The following SAMD3 variants were observed in gnomAD, a reference collection of about 807,000 sequenced individuals.
SAMD3 encodes sterile alpha motif domain-containing protein 3.
SAMD3 carries 63 observed loss-of-function variants against 58.5 expected under a neutral mutation model. The ratio of observed to expected loss-of-function variants is 1.08; its 90% confidence interval spans 0.88 to 1.33. The LOEUF is 1.33. SAMD3 is among the 40% of genes most tolerant of loss of function. SAMD3 has a pLI of 0.00. For missense variants in SAMD3, 604 were observed against 608.4 expected (o/e 0.99, Z 0.08); for synonymous variants, 220 against 210.3 (o/e 1.05, Z -0.40).
chr6:130,350,041 T>C (rs1347680561), intron 1 of SAMD3, among the ~76,000 whole-genome samples: 2 of 152,156 alleles, frequency 1.3e-5, no homozygotes, highest in Admixed American at 6.5e-5. Context: ...CTAAAAACTC[T>C]CAATAAATTA....
At chr6:130,260,026 G>A (rs1232501534) in intron 2 of SAMD3, among the ~76,000 whole-genome samples, 1 of 152,144 alleles carries the variant, frequency 6.6e-6, no homozygotes, top group Non-Finnish European at 1.5e-5. Flanking sequence ...TTTCTAATTA[G>A]TCTTTTGAAC....
chr6:130,267,841 G>T (rs549019310), intron 2 of SAMD3, among the ~76,000 whole-genome samples: 1 of 152,276 alleles, frequency 6.6e-6, no homozygotes, highest in South Asian at 2.1e-4. Context: ...CCTCTCACAT[G>T]GAGCCCCATA....
intron 2 of SAMD3, among the ~76,000 whole-genome samples, chr6:130,294,574 A>C (rs1289047909): frequency 2.0e-5 from 3 of 151,860 alleles, no homozygotes; most frequent in African/African-American, 7.3e-5. Flanking sequence ...AGCATGACAT[A>C]TTTATTAATG....
At chr6:130,204,849 A>G (rs1794951088) in intron 5 of SAMD3, among the ~76,000 whole-genome samples, 1 of 151,690 alleles carries the variant, frequency 6.6e-6, no homozygotes, top group Non-Finnish European at 1.5e-5. Context: ...AAAAATCACA[A>G]GAATAGTAAC....
intron 1 of SAMD3, among the ~76,000 whole-genome samples, chr6:130,341,087 C>T (rs887710477): frequency 1.3e-5 from 2 of 151,724 alleles, no homozygotes; most frequent in African/African-American, 4.8e-5. Flanking sequence ...ATTCCACAAA[C>T]TCTCAGTGTT....
intron 1 of SAMD3, among the ~76,000 whole-genome samples, chr6:130,219,144 T>C (rs1796118881): frequency 6.6e-6 from 1 of 152,194 alleles, no homozygotes; most frequent in Non-Finnish European, 1.5e-5. Context: ...CATAGATATT[T>C]ATATTAATCT....
At chr6:130,234,647 C>T (rs974396870) in intron 2 of SAMD3, among the ~76,000 whole-genome samples, 1 of 152,178 alleles carries the variant, frequency 6.6e-6, no homozygotes, top group African/African-American at 2.4e-5. Flanking sequence ...GATGGTTGTG[C>T]TTGAACACAT....
At chr6:130,255,326 A>G (rs545598424) in intron 2 of SAMD3, among the ~76,000 whole-genome samples, 100 of 152,300 alleles carry the variant, frequency 6.6e-4, no homozygotes, top group African/African-American at 2.4e-3. Flanking sequence ...GATCTAAAGC[A>G]TTGTTTGAGT....
At chr6:130,167,757 C>T (rs1790855319) in intron 8 of SAMD3, among the ~76,000 whole-genome samples, 1 of 152,184 alleles carries the variant, frequency 6.6e-6, no homozygotes, top group South Asian at 2.1e-4. Context: ...GCTGCATTGA[C>T]TGCACGACCA....
chr6:130,224,845 C>T (rs1290444832), upstream of SAMD3, among the ~76,000 whole-genome samples: 8 of 151,864 alleles, frequency 5.3e-5, no homozygotes, highest in Non-Finnish European at 7.4e-5. Context: ...ATCTCGATCT[C>T]CTGACCTCAT....
Position 130,221,979 on chromosome 6 carries a change from G to A in SAMD3, c.-68+715C>T, listed in dbSNP as rs79551677. On this transcript the variant is annotated intron_variant, in intron 1 of 11. Coordinates refer to ENST00000439090, the MANE Select transcript of SAMD3 (RefSeq NM_001017373.4). ...ATTCCATTGGAAAAGGTGAAAATTA[G>A]CAAGAATGCAAGGTCAGTTGTTCTC... Among the ~76,000 whole-genome samples, 1,359 of 152,208 alleles carry A rather than the reference G, an allele frequency of 8.9e-3. 20 individuals are homozygous for A. The highest frequency in any genetic ancestry group is 0.03 in the African/African-American group (1,229 of 41,516).
chr6:130,270,729 C>T (rs2114935734), intron 2 of SAMD3, among the ~76,000 whole-genome samples: 1 of 152,262 alleles, frequency 6.6e-6, no homozygotes, highest in South Asian at 2.1e-4. Flanking sequence ...ATTTTGATAG[C>T]TCTAAAATAT....
intron 5 of SAMD3, among the ~76,000 whole-genome samples, chr6:130,191,400 C>A (rs1793527269): frequency 6.6e-6 from 1 of 152,242 alleles, no homozygotes; most frequent in South Asian, 2.1e-4. Flanking sequence ...GATTTGTTGA[C>A]ATGTTTGGAT....
chr6:130,184,013 G>A, intron 7 of SAMD3, 90 bp downstream of exon 7: 2 of 939,370 alleles, frequency 2.1e-6, no homozygotes, highest in South Asian at 2.7e-5. Context: ...ACCAAGAAAA[G>A]ATGGGTGAAG....
chr6:130,323,444 ATTT>A (rs146122392), intron 1 of SAMD3, among the ~76,000 whole-genome samples: 1,768 of 148,088 alleles, frequency 0.012, 28 homozygotes, highest in African/African-American at 0.042. Context: ...AAAATTTCCA[ATTT>A]TTTTTTTTTT....
chr6:130,331,920 C>CTGCAATCATTA (rs1360552146), intron 1 of SAMD3, among the ~76,000 whole-genome samples: 6 of 152,216 alleles, frequency 3.9e-5, no homozygotes, highest in South Asian at 2.1e-4. Context: ...GAAGTAGGCT[C>CTGCAATCATTA]TGCAATCATT....
intron 1 of SAMD3, among the ~76,000 whole-genome samples, chr6:130,347,613 A>G (rs1391815550): frequency 1.3e-5 from 2 of 152,234 alleles, no homozygotes; most frequent in East Asian, 1.9e-4. Context: ...GGTGTACCTG[A>G]AAGTGACGGG....
At chr6:130,185,414 C>T (rs1253765023) in intron 5 of SAMD3, among the ~76,000 whole-genome samples, 7 of 152,002 alleles carry the variant, frequency 4.6e-5, no homozygotes, top group Admixed American at 1.3e-4. Context: ...CTGCAACCTC[C>T]GCCTCCTGGG....
chr6:130,334,639 T>C (rs1477457639), intron 1 of SAMD3, among the ~76,000 whole-genome samples: 1 of 152,240 alleles, frequency 6.6e-6, no homozygotes, highest in African/African-American at 2.4e-5. Context: ...TACACTTGCC[T>C]TCCAAGGTTG....
Sources: gnomAD v4.1 joint callset for allele counts (sites outside exome capture counted in the v4.1 genomes callset) on GRCh38, gnomAD v4.1.1 for gene constraint, MANE v1.5 for transcripts, NCBI Gene and HGNC (gene_info 2026-07-23, HGNC 2026-07-21) for gene names.